FOCAD: variants seen among roughly 807,000 people sequenced by gnomAD.
The protein encoded by FOCAD is focadhesin.
A neutral mutation model predicts 225.6 loss-of-function variants in FOCAD; 198 were observed. The ratio of observed to expected loss-of-function variants is 0.88; its 90% confidence interval spans 0.78 to 0.99. The LOEUF is 0.99. Among genes scored for constraint, FOCAD ranks in the 50% least tolerant of loss-of-function variants. FOCAD has a pLI of 0.00. For missense variants in FOCAD, 2,713 were observed against 2,123.6 expected (o/e 1.28, Z -5.46); for synonymous variants, 897 against 755.0 (o/e 1.19, Z -3.08).
At chr9:20,823,633 G>A (rs1028613192) in intron 15 of FOCAD, among the ~76,000 whole-genome samples, 2 of 152,080 alleles carry the variant, frequency 1.3e-5, no homozygotes, top group Admixed American at 6.6e-5. Flanking sequence ...ACAGCAGAGA[G>A]AATCTACTGT....
chr9:20,915,777 T>G (rs1456215867), intron 23 of FOCAD, among the ~76,000 whole-genome samples: 1 of 152,064 alleles, frequency 6.6e-6, no homozygotes, highest in Non-Finnish European at 1.5e-5. Flanking sequence ...TGGAAAAATT[T>G]GTGATGCAGC....
At chr9:20,670,829 A>G (rs1032190622) in intron 2 of FOCAD, among the ~76,000 whole-genome samples, 1 of 152,154 alleles carries the variant, frequency 6.6e-6, no homozygotes, top group African/African-American at 2.4e-5. Context: ...AAAGTCTAAG[A>G]TCTTAACCAC....
intron 10 of FOCAD, among the ~76,000 whole-genome samples, chr9:20,785,218 C>A (rs1048050695): frequency 6.6e-6 from 1 of 152,116 alleles, no homozygotes; most frequent in South Asian, 2.1e-4. Flanking sequence ...GAACCCAATT[C>A]TTTTTTAATA....
rs1488939860 is a variant in FOCAD at position 20,929,581 on chromosome 9, G to T, written c.3302G>T (p.Cys1101Phe). Residue 1101 changes from cysteine (C) to phenylalanine (F), a missense_variant, in exon 27 of 44, where the codon TGT becomes TTT. By Grantham distance (205) the Cys-to-Phe change is radical. Transcript: ENST00000338382. ...LALGMFLSRL[C>F]EEKLSDISGQ... is the part of the protein sequence containing the mutation. ...TTAGGGATGTTTCTCTCTCGCTTGT[G>T]TGAAGAGAAACTCAGGTACAGTTTA... is the stretch of plus-strand genomic sequence containing the variant. 1.2e-6 allele frequency: 2 copies of T among 1,613,576 alleles called. No homozygotes were observed. Among genetic ancestry groups the T allele is most frequent in the Admixed American group, 1.7e-5 (1 of 60,004 alleles).
At chr9:20,825,472 A>G (rs961716042) in intron 15 of FOCAD, among the ~76,000 whole-genome samples, 8 of 152,114 alleles carry the variant, frequency 5.3e-5, no homozygotes, top group South Asian at 2.1e-4. Context: ...TGATTTGTCT[A>G]TCTGTTACTG....
intron 21 of FOCAD, among the ~76,000 whole-genome samples, chr9:20,895,278 G>A (rs181577943): frequency 2.6e-4 from 40 of 151,962 alleles, no homozygotes; most frequent in African/African-American, 9.6e-4. Flanking sequence ...CTCTTCTTCA[G>A]TATTTTGTTG....
intron 24 of FOCAD, among the ~76,000 whole-genome samples, chr9:20,923,374 A>T (rs1177483242): frequency 6.6e-6 from 1 of 152,232 alleles, no homozygotes; most frequent in Non-Finnish European, 1.5e-5. Flanking sequence ...ATGTTAATAG[A>T]TGAAATAAAA....
intron 35 of FOCAD, chr9:20,957,589 C>G (rs1190684652): frequency 7.0e-6 from 1 of 143,764 alleles, no homozygotes; most frequent in African/African-American, 2.6e-5. Context: ...ATTGGCCTGC[C>G]TCAGCCTCCT....
chr9:20,685,257 G>T (rs1054375414), intron 1 of FOCAD, among the ~76,000 whole-genome samples: 5 of 150,738 alleles, frequency 3.3e-5, no homozygotes, highest in African/African-American at 1.2e-4. Context: ...GGCTCTGAGG[G>T]TGTAATCCTG....
At position 20,881,979 on chromosome 9, in the gene FOCAD, C is replaced by G; in HGVS notation, c.2426C>G (p.Thr809Ser). The G allele has an allele frequency of 6.2e-7, 1 of 1,613,958 alleles. No individual in the cohort carries two copies. The highest frequency in any genetic ancestry group is 8.5e-7 in the Non-Finnish European group (1 of 1,179,888). The change falls in exon 20 of 44, where the codon ACT becomes AGT. Residue 809 changes from threonine (T) to serine (S), a missense_variant. Thr to Ser is a moderately conservative substitution (Grantham distance 58). Coordinates refer to ENST00000338382, the MANE Select transcript of FOCAD (RefSeq NM_001375567.1). ...KGGARSDQGK[T>S]VAGIPNFILK... ...GGTGCCCGCTCAGACCAAGGAAAGA[C>G]TGTAGCAGGAATCCCCAATTTTATA...
At chr9:20,714,902 A>ATTAG (rs1281819180) in intron 1 of FOCAD, among the ~76,000 whole-genome samples, 2 of 152,168 alleles carry the variant, frequency 1.3e-5, no homozygotes, top group Non-Finnish European at 2.9e-5. Flanking sequence ...TAGCAGTTGG[A>ATTAG]TTAGTGCTTA....
intron 26 of FOCAD, 62 bp downstream of exon 26, chr9:20,926,479 G>C: frequency 9.1e-7 from 1 of 1,093,798 alleles, no homozygotes; most frequent in Non-Finnish European, 1.4e-6. Context: ...GACATCAGTT[G>C]GTCACATGAA....
chr9:20,856,123 C>T (rs1176297669), intron 15 of FOCAD, among the ~76,000 whole-genome samples: 1 of 151,726 alleles, frequency 6.6e-6, no homozygotes, highest in Non-Finnish European at 1.5e-5. Context: ...AGCAGTGGGA[C>T]TGCTGGATCA....
intron 5 of FOCAD, among the ~76,000 whole-genome samples, chr9:20,753,014 C>T (rs1258852541): frequency 2.0e-5 from 3 of 151,568 alleles, no homozygotes; most frequent in Non-Finnish European, 4.4e-5. Context: ...GATTTTGTAT[C>T]CTGAGACTTT....
At chr9:20,691,022 A>T (rs566847716) in intron 1 of FOCAD, among the ~76,000 whole-genome samples, 1 of 151,812 alleles carries the variant, frequency 6.6e-6, no homozygotes, top group South Asian at 2.1e-4. Context: ...GGCTCACTGC[A>T]ACCTTCATCT....
intron 15 of FOCAD, among the ~76,000 whole-genome samples, chr9:20,837,316 C>A (rs548309932): frequency 6.6e-6 from 1 of 152,154 alleles, no homozygotes; most frequent in South Asian, 2.1e-4. Context: ...GGCTCTCAGT[C>A]ACAAACCGAG....
chr9:20,716,718 C>A (rs572960932), intron 2 of FOCAD, among the ~76,000 whole-genome samples: 4 of 152,186 alleles, frequency 2.6e-5, no homozygotes, highest in Non-Finnish European at 5.9e-5. Context: ...GATTCACACA[C>A]GTTTTTTTTC....
intron 8 of FOCAD, among the ~76,000 whole-genome samples, chr9:20,776,775 A>C (rs956570406): frequency 2.0e-5 from 3 of 152,216 alleles, no homozygotes; most frequent in Non-Finnish European, 4.4e-5. Context: ...ACTATACAGC[A>C]GTGCTTTTCT....
At chr9:20,821,300 A>G (rs938869328) in intron 14 of FOCAD, among the ~76,000 whole-genome samples, 7 of 152,036 alleles carry the variant, frequency 4.6e-5, no homozygotes, top group African/African-American at 1.4e-4. Context: ...TAGGATATTT[A>G]TATCGTTTTC....
Sources: allele counts gnomAD v4.1 joint callset (sites outside exome capture counted in the v4.1 genomes callset), GRCh38; gene constraint gnomAD v4.1.1; transcripts MANE v1.5; gene names NCBI Gene and HGNC (gene_info 2026-07-23, HGNC 2026-07-21).